The following ITGA11 variants were observed in gnomAD, a reference collection of about 807,000 sequenced individuals.
ITGA11 encodes integrin alpha-11.
Under a neutral mutation model 141.9 loss-of-function variants are expected in ITGA11, and 97 were observed. The observed-to-expected ratio is 0.68, with a 90% CI of 0.58 to 0.81. ITGA11 has a LOEUF of 0.81. ITGA11 is among the 30% of genes least tolerant of loss of function. The pLI is 0.00. For synonymous variants in ITGA11, 658 were observed against 624.6 expected (o/e 1.05, Z -0.80); for missense variants, 1,387 against 1,559.2 (o/e 0.89, Z 1.86).
intron 7 of ITGA11, among the ~76,000 whole-genome samples, chr15:68,353,978 C>G (rs1434740288): frequency 1.3e-5 from 2 of 152,056 alleles, no homozygotes; most frequent in Non-Finnish European, 2.9e-5. Context: ...CTGAGCTGTT[C>G]CCTCCCAGCC....
At chr15:68,368,876 T>TTC (rs1555450929) in intron 3 of ITGA11, among the ~76,000 whole-genome samples, 3 of 150,596 alleles carry the variant, frequency 2.0e-5, no homozygotes, top group South Asian at 2.1e-4. Context: ...TTTTTTTTTT[T>TTC]CTCCTGGGAG....
chr15:68,325,350 G>A lies in ITGA11; in HGVS notation c.2212-109C>T, dbSNP rs918670415. ...TCCACCTTCCTTAGATGGCAGGGCA[G>A]CTGCCCTGTGCCCTCAGGGTGAGTC... On this transcript the variant is annotated intron_variant, in intron 17 of 29. Transcript: ENST00000315757. This position sits in a 1 kb window ranked among gnomAD's most constrained non-coding sequence, Gnocchi z 5.5. 9.5e-6 allele frequency: 7 copies of A among 737,930 alleles called. No homozygotes were observed. The highest frequency in any genetic ancestry group is 1.7e-5 in the Non-Finnish European group (7 of 416,758). The allele number at this position is 737,930 out of a possible 1,614,324, so 45.7% of individuals were successfully genotyped here.
Position 68,339,630 on chromosome 15 carries a change from C to T in ITGA11, c.1146G>A (p.Leu382=), listed in dbSNP as rs888148257. The T allele has an allele frequency of 1.2e-6, 2 of 1,613,990 alleles. No homozygotes were observed. Among genetic ancestry groups the T allele is most frequent in the Non-Finnish European group, 8.5e-7 (1 of 1,179,886 alleles). Residue 382 remains leucine, a synonymous_variant, in exon 11 of 30, where the codon CTG becomes CTA. Coordinates refer to ENST00000315757, the MANE Select transcript of ITGA11 (RefSeq NM_001004439.2). ...SSHVVEDGVL[L]GAVGAYDWNG... ...TCCAGTCATAGGCACCGACGGCTCC[C>T]AGCAGAACCCCATCCTGGCATTGGG... is the stretch of plus-strand genomic sequence containing the variant.
intron 1 of ITGA11, among the ~76,000 whole-genome samples, chr15:68,431,804 G>A (rs1334801984): frequency 2.0e-5 from 3 of 152,234 alleles, no homozygotes; most frequent in Non-Finnish European, 2.9e-5. Flanking sequence ...AAAGAGTCCC[G>A]GCTTTCAATA....
rs1389921550 is a variant in ITGA11, at chr15:68,328,067, G to A, written c.2068+29C>T. Reference sequence around the variant, plus strand: ...GTGCAGGGGGAGACTGGAGTCTGGGGGTGGGGAGAAAGGAGGGGCCTGCTT... The same window carrying A: ...GTGCAGGGGGAGACTGGAGTCTGGGAGTGGGGAGAAAGGAGGGGCCTGCTT... On this transcript the variant is annotated intron_variant, in intron 16 of 29. Coordinates refer to ENST00000315757, the MANE Select transcript of ITGA11 (RefSeq NM_001004439.2). The surrounding 1 kb of genome is among the most constrained non-coding windows in gnomAD (Gnocchi z 4.8). 1.3e-6 allele frequency: 2 copies of A among 1,599,180 alleles called. No individual in the cohort carries two copies. Among genetic ancestry groups the A allele is most frequent in the Admixed American group, 3.4e-5 (2 of 58,370 alleles).
intron 2 of ITGA11, among the ~76,000 whole-genome samples, chr15:68,375,963 C>CA (rs1895716905): frequency 6.6e-6 from 1 of 152,160 alleles, no homozygotes. Context: ...CTGACCCTCC[C>CA]TTGAGAAAGA....
intron 1 of ITGA11, among the ~76,000 whole-genome samples, chr15:68,427,007 T>A: frequency 1.2e-5 from 1 of 82,888 alleles, no homozygotes; most frequent in Non-Finnish European, 2.1e-5. Flanking sequence ...AGAGCAAGAC[T>A]GTCTCAAAAA....
At chr15:68,342,827 A>T (rs1416960012) in intron 10 of ITGA11, among the ~76,000 whole-genome samples, 1 of 152,122 alleles carries the variant, frequency 6.6e-6, no homozygotes, top group African/African-American at 2.4e-5. Flanking sequence ...ACCATCCTAC[A>T]ATGCACCAGA....
At chr15:68,414,664 G>C (rs1896847729) in intron 1 of ITGA11, among the ~76,000 whole-genome samples, 1 of 152,190 alleles carries the variant, frequency 6.6e-6, no homozygotes, top group South Asian at 2.1e-4. Context: ...TCAGAGGGGA[G>C]GAGCAGGCAG....
intron 22 of ITGA11, among the ~76,000 whole-genome samples, chr15:68,314,660 G>A (rs1421547004): frequency 1.3e-5 from 2 of 152,124 alleles, no homozygotes; most frequent in South Asian, 2.1e-4. Context: ...CTGCAAGCGC[G>A]CTCATTTCTC....
At chr15:68,329,005 G>T (rs541442932) in intron 15 of ITGA11, among the ~76,000 whole-genome samples, 1 of 152,184 alleles carries the variant, frequency 6.6e-6, no homozygotes. Flanking sequence ...AACCATGAAT[G>T]TATATAAAAA....
At chr15:68,397,002 A>T (rs1451205820) in intron 2 of ITGA11, among the ~76,000 whole-genome samples, 63 of 8,528 alleles carry the variant, frequency 7.4e-3, no homozygotes, top group Non-Finnish European at 8.2e-3. Context: ...TATAATATAT[A>T]ATATATATTA....
chr15:68,362,715 G>C (rs1895284916), intron 4 of ITGA11, among the ~76,000 whole-genome samples: 1 of 152,096 alleles, frequency 6.6e-6, no homozygotes, highest in African/African-American at 2.4e-5. Context: ...TGAATGGATG[G>C]ACAGATAGAT....
chr15:68,418,867 G>A (rs963376921), intron 1 of ITGA11, among the ~76,000 whole-genome samples: 3 of 151,606 alleles, frequency 2.0e-5, no homozygotes, highest in African/African-American at 7.3e-5. Context: ...CATGTGGGAT[G>A]AGCCCCAGCC....
rs540027659 is a variant in ITGA11, at chr15:68,328,454, C to T, written c.1902-192G>A. On this transcript the variant is annotated intron_variant, in intron 15 of 29. Coordinates refer to ENST00000315757, the MANE Select transcript of ITGA11 (RefSeq NM_001004439.2). The surrounding 1 kb of genome is among the most constrained non-coding windows in gnomAD (Gnocchi z 4.8). ...GTCAAAGGACTGGCAAGAGCGAGCA[C>T]GGGGCGAAAGGGGCTCAGCCACCTC... Among the ~76,000 whole-genome samples the T allele has an allele frequency of 3.9e-5, 6 of 152,020 alleles. No homozygotes were observed. The highest frequency in any genetic ancestry group is 2.1e-4 in the South Asian group (1 of 4,822).
chr15:68,421,205 G>GAA (rs1566945215), intron 1 of ITGA11, among the ~76,000 whole-genome samples: 4 of 9,020 alleles, frequency 4.4e-4, no homozygotes, highest in East Asian at 2.6e-3. Flanking sequence ...GGGAGGGGGA[G>GAA]GCTGGATACA....
intron 2 of ITGA11, among the ~76,000 whole-genome samples, chr15:68,394,902 A>C (rs994910735): frequency 6.6e-6 from 1 of 152,214 alleles, no homozygotes; most frequent in African/African-American, 2.4e-5. Context: ...CATTATCTTT[A>C]AGAAGTTGAG....
chr15:68,343,984 G>A (rs1323689865), intron 10 of ITGA11, among the ~76,000 whole-genome samples: 5 of 152,154 alleles, frequency 3.3e-5, no homozygotes, highest in Non-Finnish European at 7.4e-5. Flanking sequence ...GGGCCGCGGG[G>A]ACCTGGGCGT....
rs756204144 is a variant in ITGA11, at chr15:68,325,124, G to C, written c.2322+7C>G. 6.2e-7 allele frequency: 1 copy of C among 1,607,988 alleles called. No homozygotes were observed. Among genetic ancestry groups the C allele is most frequent in the East Asian group, 2.2e-5 (1 of 44,826 alleles). On this transcript the variant is annotated splice_region_variant and intron_variant, in intron 18 of 29. Transcript: ENST00000315757. The surrounding 1 kb of genome is among the most constrained non-coding windows in gnomAD (Gnocchi z 5.5). ...GCCCGAGGTGCGTGCCCTGTACCGA[G>C]ATGTACCGAGACTCTGAGAGTGGTG...
Sources: allele counts gnomAD v4.1 joint callset (sites outside exome capture counted in the v4.1 genomes callset), GRCh38; gene constraint gnomAD v4.1.1; non-coding constraint Gnocchi (gnomAD v3.1); transcripts MANE v1.5; gene names NCBI Gene and HGNC (gene_info 2026-07-23, HGNC 2026-07-21).